Variants in PCDHAC2 observed in about 807,000 individuals in gnomAD.
The protein encoded by PCDHAC2 is protocadherin alpha subfamily C, 2.
In PCDHAC2, 24 loss-of-function variants were observed where a neutral mutation model predicts 63.3. The ratio of observed to expected loss-of-function variants is 0.38; its 90% confidence interval spans 0.27 to 0.53. The LOEUF is 0.53. Ranked by LOEUF, PCDHAC2 falls within the 20% of genes least tolerant of loss-of-function variation. PCDHAC2 has a pLI of 0.81. For missense variants in PCDHAC2, 1,181 were observed against 1,275.2 expected (o/e 0.93, Z 1.12); for synonymous variants, 569 against 529.4 (o/e 1.07, Z -1.03).
At chr5:140,983,379 C>T (rs1169260784) in intron 3 of PCDHAC2, among the ~76,000 whole-genome samples, 1 of 152,162 alleles carries the variant, frequency 6.6e-6, no homozygotes, top group Non-Finnish European at 1.5e-5. Context: ...AGGCCCATCG[C>T]TGTGGCAGTT....
chr5:140,968,355 G>C lies in PCDHAC2; in HGVS notation c.1589G>C (p.Ser530Thr). Residue 530 changes from serine to threonine, a missense_variant, in exon 1 of 4, where the codon AGC becomes ACC. By Grantham distance (58) the Ser-to-Thr change is moderately conservative. Transcript: ENST00000289269. ...GTCTCCATTAACAGTGCCAGTGGCA[G>C]CCTTTATGCTGTCAACTCCTTTGAC... ...SYVSINSASG[S>T]LYAVNSFDYE... 1 of 1,614,080 alleles carries C rather than the reference G, an allele frequency of 6.2e-7. No individual in the cohort carries two copies. The highest frequency in any genetic ancestry group is 8.5e-7 in the Non-Finnish European group (1 of 1,180,010).
At chr5:140,969,385 C>A in intron 1 of PCDHAC2, 54 bp downstream of exon 1, 1 of 1,598,120 alleles carries the variant, frequency 6.3e-7, no homozygotes, top group East Asian at 2.2e-5. Context: ...TTACACATCC[C>A]CCAATATCCT....
intron 3 of PCDHAC2, among the ~76,000 whole-genome samples, chr5:140,999,514 A>G (rs782202425): frequency 1.4e-4 from 22 of 152,210 alleles, no homozygotes; most frequent in Non-Finnish European, 1.0e-4. Context: ...CATTTTAAGC[A>G]TTTTGTTACC....
Position 140,969,335 on chromosome 5 carries a change from A to G in PCDHAC2, c.2565+4A>G, listed in dbSNP as rs782267073. ...TGAGGCTGTTTCTCAAAATGAGGTG[A>G]GACAGTGGTCAGGGGGTCTTCTACA... is the stretch of plus-strand genomic sequence containing the variant. On this transcript the variant is annotated splice_donor_region_variant and intron_variant, in intron 1 of 3. Transcript: ENST00000289269. The G allele has an allele frequency of 1.2e-6, 2 of 1,614,012 alleles. No homozygotes were observed. Among genetic ancestry groups the G allele is most frequent in the Admixed American group, 3.3e-5 (2 of 60,006 alleles).
rs1379948594 is a variant in PCDHAC2, at chr5:140,982,575, G to A, written c.2713+12G>A. ...CAGTGCAACACCAGGTAAAGAGCTGGGGTCTCTCCATTCTTTCTTGGTTTC... is the reference window on the plus strand; with the variant it reads ...CAGTGCAACACCAGGTAAAGAGCTGAGGTCTCTCCATTCTTTCTTGGTTTC... On this transcript the variant is annotated intron_variant, in intron 3 of 3. Coordinates refer to ENST00000289269, the MANE Select transcript of PCDHAC2 (RefSeq NM_018899.6). The A allele has an allele frequency of 6.2e-7, 1 of 1,613,444 alleles. No homozygotes were observed. The highest frequency in any genetic ancestry group is 8.5e-7 in the Non-Finnish European group (1 of 1,179,518).
At chr5:141,006,403 C>T (rs2098271999) in intron 3 of PCDHAC2, among the ~76,000 whole-genome samples, 1 of 151,934 alleles carries the variant, frequency 6.6e-6, no homozygotes, top group Non-Finnish European at 1.5e-5. Context: ...TTAGTAGAGA[C>T]GCGGTTTCAC....
In PCDHAC2 at chr5:140,982,464, T is replaced by C; in HGVS notation, c.2625-11T>C. 6.2e-7 allele frequency: 1 copy of C among 1,614,112 alleles called. No individual in the cohort carries two copies. Among genetic ancestry groups the C allele is most frequent in the Non-Finnish European group, 8.5e-7 (1 of 1,180,010 alleles). ...GATCTAACCGTTATCTGGGTCTGTG[T>C]GTTTATTCAGCTCTGTGCACCTAGA... On this transcript the variant is annotated splice_polypyrimidine_tract_variant and intron_variant, in intron 2 of 3. Coordinates refer to ENST00000289269, the MANE Select transcript of PCDHAC2 (RefSeq NM_018899.6).
chr5:140,993,996 G>T (rs1163632974), intron 3 of PCDHAC2, among the ~76,000 whole-genome samples: 1 of 152,148 alleles, frequency 6.6e-6, no homozygotes, highest in Non-Finnish European at 1.5e-5. Flanking sequence ...CTTAGGTCAG[G>T]CCAGGCTCTG....
rs1374151299 is a variant in PCDHAC2 at position 141,010,790 on chromosome 5, A to G, written c.*853A>G. The G allele has an allele frequency of 2.0e-5, 3 of 153,822 alleles. No homozygotes were observed. Among genetic ancestry groups the G allele is most frequent in the Admixed American group, 6.5e-5 (1 of 15,286 alleles). The allele number at this position is 153,822 out of a possible 1,614,324, so 9.5% of individuals were successfully genotyped here. Reference sequence around the variant, plus strand: ...CTTTTCCAATACTTATGCAAAAGCAAAAGAAAACCCCGACACCTCACCTTT... The same window carrying G: ...CTTTTCCAATACTTATGCAAAAGCAGAAGAAAACCCCGACACCTCACCTTT... On this transcript the variant is annotated 3_prime_UTR_variant, in exon 4 of 4. Coordinates refer to ENST00000289269, the MANE Select transcript of PCDHAC2 (RefSeq NM_018899.6).
At chr5:140,972,750 G>A (rs2096554223) in intron 1 of PCDHAC2, among the ~76,000 whole-genome samples, 2 of 143,042 alleles carry the variant, frequency 1.4e-5, no homozygotes, top group South Asian at 2.2e-4. Context: ...TGCAACCTCC[G>A]CCTCCCAAGT....
rs782631991 is a variant in PCDHAC2, at chr5:140,966,741, G to C, written c.-26G>C. The C allele has an allele frequency of 7.5e-4, 1,063 of 1,421,208 alleles. 1 individual carries two copies. The highest frequency in any genetic ancestry group is 9.1e-4 in the Non-Finnish European group (995 of 1,093,108). The allele number at this position is 1,421,208 out of a possible 1,614,324, so 88.0% of individuals were successfully genotyped here. Reference sequence around the variant, plus strand: ...GAAGCTGCCGCCTCCGGCCCTGCCCGGCTGCCTCCGCCGCGGCCAGTGGCT... The same window carrying C: ...GAAGCTGCCGCCTCCGGCCCTGCCCCGCTGCCTCCGCCGCGGCCAGTGGCT... On this transcript the variant is annotated 5_prime_UTR_variant, in exon 1 of 4. Transcript: ENST00000289269.
chr5:140,996,198 G>T (rs2097716643), intron 3 of PCDHAC2, among the ~76,000 whole-genome samples: 1 of 152,168 alleles, frequency 6.6e-6, no homozygotes, highest in Non-Finnish European at 1.5e-5. Context: ...TACCCTCAAT[G>T]CAAGGATATC....
intron 3 of PCDHAC2, among the ~76,000 whole-genome samples, chr5:141,004,523 A>G (rs934216851): frequency 3.3e-5 from 5 of 152,232 alleles, no homozygotes; most frequent in Admixed American, 2.0e-4. Flanking sequence ...CTCTGCCAAT[A>G]CACACAGCCA....
In PCDHAC2 at chr5:141,011,207, G is replaced by A. The variant is rs79928365; in HGVS notation, c.*1270G>A. On this transcript the variant is annotated 3_prime_UTR_variant, in exon 4 of 4. Coordinates refer to ENST00000289269, the MANE Select transcript of PCDHAC2 (RefSeq NM_018899.6). Reference sequence around the variant, plus strand: ...GAAAAATATTGTTTTCTCATACAGTGAGCAGATTTTTCAATCTACTAATTC... The same window carrying A: ...GAAAAATATTGTTTTCTCATACAGTAAGCAGATTTTTCAATCTACTAATTC... 325 of 153,804 alleles carry A rather than the reference G, an allele frequency of 2.1e-3. 2 individuals are homozygous for A. The highest frequency in any genetic ancestry group is 7.1e-3 in the African/African-American group (293 of 41,546). 9.5% of individuals were successfully genotyped at this position (153,804 alleles called of 1,614,324 possible). A position where few individuals can be genotyped will look rare whatever the true frequency, so the allele number is the denominator to read the frequency against.
intron 1 of PCDHAC2, among the ~76,000 whole-genome samples, chr5:140,973,341 C>T (rs1323571061): frequency 6.6e-6 from 1 of 152,124 alleles, no homozygotes; most frequent in African/African-American, 2.4e-5. Flanking sequence ...TGTAAAGTGA[C>T]ATAGTAGTGA....
chr5:140,966,542 G>C lies in PCDHAC2; in HGVS notation c.-225G>C, dbSNP rs926112867. The C allele has an allele frequency of 8.6e-6, 4 of 464,302 alleles. No individual in the cohort carries two copies. Among genetic ancestry groups the C allele is most frequent in the Non-Finnish European group, 1.5e-5 (4 of 271,240 alleles). 28.8% of individuals were successfully genotyped at this position (464,302 alleles called of 1,614,324 possible). ...AAGCCGAGCCGGGTTGAGCGACTCG[G>C]AGGCGAGCGGAGGAGCTGGAATATG... On this transcript the variant is annotated 5_prime_UTR_variant, in exon 1 of 4. Transcript: ENST00000289269.
chr5:141,004,750 C>T (rs1205050665), intron 3 of PCDHAC2, among the ~76,000 whole-genome samples: 1 of 152,112 alleles, frequency 6.6e-6, no homozygotes, highest in Non-Finnish European at 1.5e-5. Flanking sequence ...GTCTCAGTCT[C>T]TTAGAGACAG....
intron 2 of PCDHAC2, 83 bp from the exon 3 acceptor site, chr5:140,982,392 T>C: frequency 6.3e-7 from 1 of 1,598,158 alleles, no homozygotes. Context: ...GGCTTCATAG[T>C]TGTAAGCAAT....
chr5:140,993,462 T>TCTCACACACACA (rs1235362335), intron 3 of PCDHAC2, among the ~76,000 whole-genome samples: 1 of 140,938 alleles, frequency 7.1e-6, no homozygotes, highest in African/African-American at 2.6e-5. Context: ...TCTTTCTTTC[T>TCTCACACACACA]CACACACACA....
Sources: gnomAD v4.1 joint callset for allele counts (sites outside exome capture counted in the v4.1 genomes callset) on GRCh38, gnomAD v4.1.1 for gene constraint, MANE v1.5 for transcripts, NCBI Gene and HGNC (gene_info 2026-07-23, HGNC 2026-07-21) for gene names.